The following NID2 variants were observed in gnomAD, a reference collection of about 807,000 sequenced individuals.
NID2 encodes nidogen-2.
Under a neutral mutation model 145.4 loss-of-function variants are expected in NID2, and 83 were observed. The observed-to-expected ratio is 0.57, with a 90% CI of 0.48 to 0.69. The LOEUF (loss-of-function observed/expected upper bound fraction) is 0.69, where lower values mean the gene tolerates loss of function less well. Among genes scored for constraint, NID2 ranks in the 30% least tolerant of loss-of-function variants. The pLI, the probability that NID2 is intolerant of heterozygous loss-of-function variation, is 0.00. For missense variants in NID2, 1,807 were observed against 1,765.7 expected (o/e 1.02, Z -0.42); for synonymous variants, 739 against 701.3 (o/e 1.05, Z -0.85).
Position 52,008,025 on chromosome 14 carries a change from A to G in NID2, c.3723-58T>C, listed in dbSNP as rs971058053. 4 of 1,425,810 alleles carry G rather than the reference A, an allele frequency of 2.8e-6. No homozygotes were observed. In the South Asian group the frequency reaches 5.2e-5, roughly 19 times the overall value. The allele number at this position is 1,425,810 out of a possible 1,614,324, so 88.3% of individuals were successfully genotyped here. ...AGCCATGTAGCCTGTGGTAGGCAGC[A>G]TCTAAGCAGCCCCCAGTGATCTCCA... On this transcript the variant is annotated intron_variant, in intron 18 of 21. Transcript: ENST00000216286.
chr14:52,050,257 T>C (rs2140416995), intron 5 of NID2, among the ~76,000 whole-genome samples: 1 of 152,290 alleles, frequency 6.6e-6, no homozygotes, highest in Non-Finnish European at 1.5e-5. Context: ...CTGGCAACTC[T>C]CTCACCCCAC....
chr14:52,029,850 C>A (rs1891736966), intron 9 of NID2, among the ~76,000 whole-genome samples, 160 bp from the exon 10 acceptor site: 1 of 152,196 alleles, frequency 6.6e-6, no homozygotes, highest in East Asian at 1.9e-4. Flanking sequence ...GGATTTTCTG[C>A]ACTTCAGTTT....
chr14:52,064,868 A>T (rs1033177710), intron 2 of NID2, among the ~76,000 whole-genome samples: 2 of 152,174 alleles, frequency 1.3e-5, no homozygotes, highest in African/African-American at 4.8e-5. Context: ...TCCCCACATT[A>T]CAGAGATCTA....
At chr14:52,024,681 G>A (rs955641614) in intron 12 of NID2, among the ~76,000 whole-genome samples, 2 of 152,172 alleles carry the variant, frequency 1.3e-5, no homozygotes, top group African/African-American at 4.8e-5. Flanking sequence ...GGAAGCACCT[G>A]ATGGGTTTGG....
At chr14:52,063,110 A>G (rs1036557971) in intron 2 of NID2, among the ~76,000 whole-genome samples, 7 of 152,224 alleles carry the variant, frequency 4.6e-5, no homozygotes, top group African/African-American at 1.4e-4. Context: ...ATTGCTAAAG[A>G]GCCCACTTCA....
At chr14:52,033,549 G>A (rs553812035) in intron 9 of NID2, among the ~76,000 whole-genome samples, 164 of 152,290 alleles carry the variant, frequency 1.1e-3, no homozygotes, top group Middle Eastern at 0.01. Context: ...CTGCATCCTC[G>A]CCCTGGGAAG....
Position 52,029,529 on chromosome 14 carries a change from C to A in NID2, c.2401+18G>T. 6.3e-7 allele frequency: 1 copy of A among 1,596,650 alleles called. No individual in the cohort carries two copies. Among genetic ancestry groups the A allele is most frequent in the Non-Finnish European group, 8.6e-7 (1 of 1,166,032 alleles). On this transcript the variant is annotated intron_variant, in intron 10 of 21. Transcript: ENST00000216286. Reference sequence around the variant, plus strand: ...AAACAAGGGCTACAAGAAGGAGACACGAGAACATGGCTCTTACCCACACAG... The same window carrying A: ...AAACAAGGGCTACAAGAAGGAGACAAGAGAACATGGCTCTTACCCACACAG...
chr14:52,020,387 A>G, intron 12 of NID2: 1 of 628,976 alleles, frequency 1.6e-6, no homozygotes, highest in Non-Finnish European at 2.5e-6. Context: ...ATGTGAGTTA[A>G]CACACTAGAC....
At chr14:52,048,015 C>A (rs2516587) in intron 5 of NID2, among the ~76,000 whole-genome samples, 85,286 of 151,990 alleles carry the variant, frequency 0.56, 24,288 homozygotes, top group Middle Eastern at 0.6. Context: ...GCCACCCCGC[C>A]AGTGATTCTC....
Position 52,014,279 on chromosome 14 carries a change from C to T in NID2, c.3420+8G>A. The stretch of plus-strand genomic sequence containing the variant: ...AGCCCTGCCCCCTACAGGAGAAATC[C>T]ACTTTACATGCAGAGACAGCAGGGT... On this transcript the variant is annotated splice_region_variant and intron_variant, in intron 16 of 21. Transcript: ENST00000216286. 6.2e-7 allele frequency: 1 copy of T among 1,614,228 alleles called. No homozygotes were observed. The highest frequency in any genetic ancestry group is 1.1e-5 in the South Asian group (1 of 91,080).
In NID2 at chr14:52,060,321, C is replaced by A. The variant is rs752435957; in HGVS notation, c.570G>T (p.Gly190=). The A allele has an allele frequency of 1.3e-6, 2 of 1,597,104 alleles. No homozygotes were observed. The highest frequency in any genetic ancestry group is 2.2e-5 in the East Asian group (1 of 44,574). ...NTFQAVLASD[G]SDSYALFLYP... ...AAAGAAAGAGGGCGTAGCTATCAGA[C>A]CCATCAGATGCCAAAACTGCCTGGA... The change falls in exon 3 of 22, where the codon GGG becomes GGT. Residue 190 remains glycine, a synonymous_variant. Coordinates refer to ENST00000216286, the MANE Select transcript of NID2 (RefSeq NM_007361.4).
Position 52,005,838 on chromosome 14 carries a change from A to T in NID2, c.4016T>A (p.Val1339Glu). ...CTGGCCACTATGTTTATTTACTGAT[A>T]CAACACCATCCCTGGTAACAGAAAG... ...YHTDWRRDGV[V>E]SVNKHSGQFT... The change falls in exon 21 of 22, where the codon GTA (valine) becomes GAA (glutamate). Residue 1339 changes from valine (V) to glutamate (E), a missense_variant. Transcript: ENST00000216286. The T allele has an allele frequency of 6.2e-7, 1 of 1,608,268 alleles. No individual in the cohort carries two copies. Among genetic ancestry groups the T allele is most frequent in the Non-Finnish European group, 8.5e-7 (1 of 1,174,648 alleles).
chr14:52,024,350 G>C (rs56003563), intron 12 of NID2, among the ~76,000 whole-genome samples: 1 of 152,106 alleles, frequency 6.6e-6, no homozygotes, highest in African/African-American at 2.4e-5. Context: ...AATAAAGTAA[G>C]CTGTAGTGTT....
intron 5 of NID2, among the ~76,000 whole-genome samples, chr14:52,044,224 C>A (rs1431580315): frequency 6.6e-6 from 1 of 150,650 alleles, no homozygotes; most frequent in East Asian, 1.9e-4. Context: ...AAAGTTAACA[C>A]TTCAATCGCG....
At chr14:52,051,278 A>G (rs1332487611) in intron 5 of NID2, among the ~76,000 whole-genome samples, 2 of 152,218 alleles carry the variant, frequency 1.3e-5, no homozygotes, top group African/African-American at 4.8e-5. Flanking sequence ...CTAAAGCTTC[A>G]AAGGGAAACT....
At chr14:52,015,005 C>A in intron 15 of NID2, 49 bp downstream of exon 15, 2 of 1,496,758 alleles carry the variant, frequency 1.3e-6, no homozygotes, top group Non-Finnish European at 1.8e-6. Context: ...CCATCCCTAG[C>A]AAAGGCCTTA....
At chr14:52,068,266 T>A in intron 1 of NID2, 103 bp from the exon 2 acceptor site, 1 of 1,173,392 alleles carries the variant, frequency 8.5e-7, no homozygotes, top group Non-Finnish European at 1.2e-6. Flanking sequence ...AAAGCCTCTC[T>A]CTCCTTCCCC....
At chr14:52,036,616 C>A (rs746574597) in intron 9 of NID2, among the ~76,000 whole-genome samples, 1 of 152,208 alleles carries the variant, frequency 6.6e-6, no homozygotes, top group Non-Finnish European at 1.5e-5. Context: ...ATTTTATAAT[C>A]ACACCAGCAA....
chr14:52,052,391 A>T (rs1213783454), intron 5 of NID2, among the ~76,000 whole-genome samples: 4 of 152,218 alleles, frequency 2.6e-5, no homozygotes, highest in African/African-American at 7.2e-5. Context: ...GTGAGTGCAG[A>T]CACGAAGCCA....
Sources: allele counts gnomAD v4.1 joint callset (sites outside exome capture counted in the v4.1 genomes callset), GRCh38; gene constraint gnomAD v4.1.1; transcripts MANE v1.5; gene names NCBI Gene and HGNC (gene_info 2026-07-23, HGNC 2026-07-21).